Variants in ARHGAP24 observed in about 807,000 individuals in gnomAD.
The protein encoded by ARHGAP24 is Rho GTPase activating protein 24, also known as rho GTPase-activating protein 24.
In ARHGAP24, 50 loss-of-function variants were observed where a neutral mutation model predicts 76.4. That is an observed-to-expected ratio of 0.65 (90% CI 0.52 to 0.83). The LOEUF is 0.83. Ranked by LOEUF, ARHGAP24 falls within the 40% of genes least tolerant of loss-of-function variation. ARHGAP24 has a pLI of 0.00. For missense variants in ARHGAP24, 930 were observed against 914.2 expected (o/e 1.02, Z -0.22); for synonymous variants, 345 against 323.3 (o/e 1.07, Z -0.72).
At chr4:85,597,287 T>C (rs1261259126) in intron 2 of ARHGAP24, among the ~76,000 whole-genome samples, 2 of 152,126 alleles carry the variant, frequency 1.3e-5, no homozygotes, top group Non-Finnish European at 2.9e-5. Flanking sequence ...TATAGGGAGT[T>C]AATCAAATTC....
At chr4:85,667,271 T>C (rs142501620) in intron 2 of ARHGAP24, among the ~76,000 whole-genome samples, 4,447 of 152,240 alleles carry the variant, frequency 0.029, 199 homozygotes, top group African/African-American at 0.1. Flanking sequence ...TAGCAATCGG[T>C]GAGACTCCAT....
intron 5 of ARHGAP24, among the ~76,000 whole-genome samples, chr4:85,950,544 C>T (rs1737550773): frequency 6.6e-6 from 1 of 151,990 alleles, no homozygotes; most frequent in Non-Finnish European, 1.5e-5. Flanking sequence ...AAGGAGGTCA[C>T]TGTGACAGGA....
At chr4:85,603,515 A>G (rs1490480239) in intron 2 of ARHGAP24, among the ~76,000 whole-genome samples, 1 of 152,220 alleles carries the variant, frequency 6.6e-6, no homozygotes, top group Non-Finnish European at 1.5e-5. Context: ...TAATACATAG[A>G]TATTAGATGT....
At chr4:85,617,206 C>A (rs1720570205) in intron 2 of ARHGAP24, among the ~76,000 whole-genome samples, 1 of 146,990 alleles carries the variant, frequency 6.8e-6, no homozygotes. Flanking sequence ...ATATGGATTG[C>A]AGATATGTTG....
intron 2 of ARHGAP24, among the ~76,000 whole-genome samples, chr4:85,708,289 A>G (rs1284016052): frequency 1.3e-5 from 2 of 152,184 alleles, no homozygotes; most frequent in Non-Finnish European, 2.9e-5. Flanking sequence ...ATTAGTTACC[A>G]AACAGGACTT....
chr4:85,823,849 TCCCTC>T (rs1031932060), intron 3 of ARHGAP24, among the ~76,000 whole-genome samples: 238 of 144,084 alleles, frequency 1.7e-3, no homozygotes, highest in Middle Eastern at 0.011. Context: ...CTCCCTCCCT[TCCCTC>T]CCCTCCCCTC....
intron 1 of ARHGAP24, among the ~76,000 whole-genome samples, chr4:85,492,837 T>A (rs1368527900): frequency 6.6e-6 from 1 of 152,236 alleles, no homozygotes. Flanking sequence ...TACTATTAAC[T>A]AATCTGTAGT....
At chr4:85,599,332 G>A (rs1719957328) in intron 2 of ARHGAP24, among the ~76,000 whole-genome samples, 1 of 152,138 alleles carries the variant, frequency 6.6e-6, no homozygotes, top group Non-Finnish European at 1.5e-5. Context: ...CTGTAGAAGT[G>A]GCTGAGATGG....
intron 2 of ARHGAP24, among the ~76,000 whole-genome samples, chr4:85,688,990 T>C (rs2110016147): frequency 6.6e-6 from 1 of 152,296 alleles, no homozygotes; most frequent in East Asian, 1.9e-4. Flanking sequence ...ATGATGCCTT[T>C]GGCTTTGTTA....
chr4:85,948,967 T>C (rs1010366480), intron 5 of ARHGAP24, among the ~76,000 whole-genome samples: 2 of 152,182 alleles, frequency 1.3e-5, no homozygotes. Flanking sequence ...GTTGCTCTTG[T>C]ACTACCTTAA....
At chr4:85,770,472 G>T (rs1220556040) in intron 3 of ARHGAP24, among the ~76,000 whole-genome samples, 2 of 152,058 alleles carry the variant, frequency 1.3e-5, no homozygotes, top group Non-Finnish European at 2.9e-5. Flanking sequence ...AATAATTATT[G>T]TTGTTACCAT....
chr4:85,867,881 T>C (rs1732283046), intron 3 of ARHGAP24, among the ~76,000 whole-genome samples: 1 of 112,104 alleles, frequency 8.9e-6, no homozygotes, highest in African/African-American at 3.1e-5. Flanking sequence ...TATAAACATA[T>C]ATAATGTGTG....
intron 3 of ARHGAP24, among the ~76,000 whole-genome samples, chr4:85,764,336 A>G: frequency 6.6e-6 from 1 of 152,148 alleles, no homozygotes; most frequent in Non-Finnish European, 1.5e-5. Flanking sequence ...CCCTGCTATC[A>G]TCAATGCGTT....
In ARHGAP24 at chr4:85,930,213, C is replaced by G. The variant is rs369011180; in HGVS notation, c.391+6443C>G. On this transcript the variant is annotated intron_variant, in intron 4 of 9. Transcript: ENST00000395184. ...TGCTCCCTGCAAAGCTGCCTCCCCC[C>G]ACAGATCCAAAGAGCCTCTTGGAAT... 21 of 982,894 alleles carry G rather than the reference C, an allele frequency of 2.1e-5. 1 individual carries two copies. The highest frequency in any genetic ancestry group is 1.0e-3 in the Middle Eastern group (2 of 1,912). 60.9% of individuals were successfully genotyped at this position (982,894 alleles called of 1,614,324 possible).
intron 5 of ARHGAP24, among the ~76,000 whole-genome samples, chr4:85,959,067 A>C (rs1738089974): frequency 6.6e-6 from 1 of 152,196 alleles, no homozygotes; most frequent in East Asian, 1.9e-4. Context: ...TAGGAAAGTA[A>C]TGGAATAAAA....
At chr4:85,488,134 ATGAAAGGTGT>A in intron 1 of ARHGAP24, among the ~76,000 whole-genome samples, 1 of 151,542 alleles carries the variant, frequency 6.6e-6, no homozygotes, top group Non-Finnish European at 1.5e-5. Context: ...CACTGTGGGT[ATGAAAGGTGT>A]TGTATGGATA....
intron 2 of ARHGAP24, among the ~76,000 whole-genome samples, chr4:85,605,248 G>A (rs1316603845): frequency 3.9e-5 from 6 of 152,072 alleles, no homozygotes; most frequent in Admixed American, 1.3e-4. Context: ...TCTCAAATTG[G>A]AAAATGTATT....
chr4:85,864,928 A>G (rs562890042), intron 3 of ARHGAP24, among the ~76,000 whole-genome samples: 4 of 152,230 alleles, frequency 2.6e-5, no homozygotes, highest in African/African-American at 9.6e-5. Flanking sequence ...GAGAATGTGA[A>G]TGCATTTGAA....
At chr4:85,650,022 C>A (rs1244152509) in intron 2 of ARHGAP24, among the ~76,000 whole-genome samples, 1 of 152,058 alleles carries the variant, frequency 6.6e-6, no homozygotes, top group Non-Finnish European at 1.5e-5. Context: ...CATCCAAATC[C>A]TGAATTCTTT....
Sources: gnomAD v4.1 joint callset for allele counts (sites outside exome capture counted in the v4.1 genomes callset) on GRCh38, gnomAD v4.1.1 for gene constraint, MANE v1.5 for transcripts, NCBI Gene and HGNC (gene_info 2026-07-23, HGNC 2026-07-21) for gene names.